CECR2: variants seen among roughly 807,000 people sequenced by gnomAD.
The protein encoded by CECR2 is CECR2 histone acetyl-lysine reader.
CECR2 carries 30 observed loss-of-function variants against 154.5 expected under a neutral mutation model. That is an observed-to-expected ratio of 0.19 (90% confidence interval 0.15 to 0.26). CECR2 has a LOEUF of 0.26. Ranked by LOEUF, CECR2 falls within the 10% of genes least tolerant of loss-of-function variation. CECR2 has a pLI of 1.00. For missense variants in CECR2, 1,743 were observed against 1,829.3 expected (o/e 0.95, Z 0.86); for synonymous variants, 725 against 683.7 (o/e 1.06, Z -0.94).
At chr22:17,373,339 C>T (rs73876416) in intron 1 of CECR2, among the ~76,000 whole-genome samples, 2,057 of 152,042 alleles carry the variant, frequency 0.014, 48 homozygotes, top group African/African-American at 0.047. Flanking sequence ...AAGAAACCTG[C>T]CAAGTATATA....
intron 2 of CECR2, among the ~76,000 whole-genome samples, chr22:17,492,041 T>C (rs566642819): frequency 3.9e-4 from 60 of 152,352 alleles, no homozygotes; most frequent in African/African-American, 1.4e-3. Context: ...CGAGAATAAA[T>C]GCTTTATCAA....
At chr22:17,476,544 G>A (rs568272533) in intron 1 of CECR2, among the ~76,000 whole-genome samples, 6 of 152,222 alleles carry the variant, frequency 3.9e-5, no homozygotes, top group Non-Finnish European at 8.8e-5. Context: ...TATATAAGAA[G>A]GAAACCCCAC....
At chr22:17,378,091 C>A (rs2063139229) in intron 1 of CECR2, among the ~76,000 whole-genome samples, 1 of 151,378 alleles carries the variant, frequency 6.6e-6, no homozygotes, top group African/African-American at 2.4e-5. Flanking sequence ...TCACGCCATT[C>A]TCCTGCCTCA....
chr22:17,503,244 T>G (rs1463011736), intron 6 of CECR2, 113 bp downstream of exon 6: 13 of 912,188 alleles, frequency 1.4e-5, no homozygotes, highest in Non-Finnish European at 2.2e-5. Context: ...CAATAGCCTT[T>G]TACCTACCCC....
chr22:17,505,034 C>G lies in CECR2; in HGVS notation c.870+18C>G. The G allele has an allele frequency of 6.2e-7, 1 of 1,609,596 alleles. No individual in the cohort carries two copies. The highest frequency in any genetic ancestry group is 8.5e-7 in the Non-Finnish European group (1 of 1,178,164). On this transcript the variant is annotated intron_variant, in intron 7 of 18. Coordinates refer to ENST00000262608, the MANE Select transcript of CECR2 (RefSeq NM_001290047.2). ...CCCAGAAGGTGCGCCACACTCTCTG[C>G]TCTGTCCTCCTCAGTGTTAGGCCTG...
chr22:17,494,377 G>A (rs751799317), intron 2 of CECR2, among the ~76,000 whole-genome samples: 1 of 152,050 alleles, frequency 6.6e-6, no homozygotes, highest in Non-Finnish European at 1.5e-5. Context: ...CAAATTCACC[G>A]TTACGACACT....
chr22:17,540,398 C>T lies in CECR2; in HGVS notation c.1496-14C>T. ...AAACTATACCTAGAAGTCAATCCTCCTGTCTTCCTATAGAGTATACCAAGA... is the reference window on the plus strand; with the variant it reads ...AAACTATACCTAGAAGTCAATCCTCTTGTCTTCCTATAGAGTATACCAAGA... On this transcript the variant is annotated splice_polypyrimidine_tract_variant and intron_variant, in intron 13 of 18. Coordinates refer to ENST00000262608, the MANE Select transcript of CECR2 (RefSeq NM_001290047.2). 6.7e-7 allele frequency: 1 copy of T among 1,491,592 alleles called. No individual in the cohort carries two copies. The highest frequency in any genetic ancestry group is 8.9e-7 in the Non-Finnish European group (1 of 1,120,754). 92.4% of individuals were successfully genotyped at this position (1,491,592 alleles called of 1,614,324 possible). A position where few individuals can be genotyped will look rare whatever the true frequency, so the allele number is the denominator to read the frequency against.
chr22:17,505,687 C>G (rs2055829737), intron 7 of CECR2, among the ~76,000 whole-genome samples: 1 of 151,890 alleles, frequency 6.6e-6, no homozygotes, highest in South Asian at 2.1e-4. Flanking sequence ...GCTCACACCA[C>G]CACCACGCCC....
At chr22:17,510,033 C>T (rs929742298) in intron 7 of CECR2, among the ~76,000 whole-genome samples, 4 of 152,060 alleles carry the variant, frequency 2.6e-5, no homozygotes, top group African/African-American at 9.7e-5. Context: ...GAGCTTGTTG[C>T]TCATGTTACA....
At chr22:17,524,031 G>A (rs1458135354) in intron 8 of CECR2, 87 bp from the exon 9 acceptor site, 22 of 1,096,530 alleles carry the variant, frequency 2.0e-5, no homozygotes, top group Non-Finnish European at 2.9e-5. Context: ...ATTATTTGTT[G>A]AAAATACTGA....
intron 1 of CECR2, among the ~76,000 whole-genome samples, chr22:17,417,974 T>G (rs111258338): frequency 2.5e-4 from 38 of 152,232 alleles, no homozygotes; most frequent in African/African-American, 8.9e-4. Context: ...CGTATTATAC[T>G]TCTTAGCCTT....
intron 1 of CECR2, among the ~76,000 whole-genome samples, chr22:17,400,719 C>T (rs544361312): frequency 6.6e-6 from 1 of 152,186 alleles, no homozygotes; most frequent in East Asian, 1.9e-4. Context: ...TCTCACTTGC[C>T]TGTGTATAGT....
rs2056773622 is a variant in CECR2 at position 17,556,494 on chromosome 22, A to G, written c.*3654A>G. 1 of 152,140 alleles carries G rather than the reference A, an allele frequency of 6.6e-6. No homozygotes were observed. The highest frequency in any genetic ancestry group is 1.5e-5 in the Non-Finnish European group (1 of 68,032). 9.4% of individuals were successfully genotyped at this position (152,140 alleles called of 1,614,324 possible). On this transcript the variant is annotated 3_prime_UTR_variant, in exon 19 of 19. Transcript: ENST00000262608. ...TGCTGGCAGATGCCATCCCAGGCCC[A>G]CAAAATCCCAGTGTTGCAGTCACCA...
At chr22:17,468,288 C>T (rs1245234479) in intron 1 of CECR2, among the ~76,000 whole-genome samples, 1 of 152,138 alleles carries the variant, frequency 6.6e-6, no homozygotes, top group African/African-American at 2.4e-5. Flanking sequence ...AAAGTTGTTT[C>T]AGTCCCTGCC....
chr22:17,378,129 G>A (rs1159111640), intron 1 of CECR2, among the ~76,000 whole-genome samples: 2 of 151,142 alleles, frequency 1.3e-5, no homozygotes, highest in African/African-American at 4.9e-5. Context: ...GACTACAGGT[G>A]CCCACCACCA....
At chr22:17,387,704 G>T (rs1260362717) in intron 1 of CECR2, among the ~76,000 whole-genome samples, 1 of 152,148 alleles carries the variant, frequency 6.6e-6, no homozygotes, top group East Asian at 1.9e-4. Flanking sequence ...TCTGTTGACA[G>T]TGTTATATAA....
intron 7 of CECR2, among the ~76,000 whole-genome samples, chr22:17,505,499 T>G (rs1365266782): frequency 6.6e-6 from 1 of 150,876 alleles, no homozygotes; most frequent in Non-Finnish European, 1.5e-5. Context: ...ACACCCTACT[T>G]CATGCATTTT....
intron 1 of CECR2, among the ~76,000 whole-genome samples, chr22:17,462,474 G>T (rs17741005): frequency 0.026 from 3,918 of 152,328 alleles, 67 homozygotes; most frequent in Non-Finnish European, 0.041. Flanking sequence ...TTAATCTGAT[G>T]AATTGCGAGG....
intron 1 of CECR2, among the ~76,000 whole-genome samples, chr22:17,450,520 C>T (rs927007576): frequency 6.6e-6 from 1 of 152,180 alleles, no homozygotes; most frequent in African/African-American, 2.4e-5. Flanking sequence ...TCTCCTGCCT[C>T]GGCCTCCCAA....
Sources: allele counts gnomAD v4.1 joint callset (sites outside exome capture counted in the v4.1 genomes callset), GRCh38; gene constraint gnomAD v4.1.1; transcripts MANE v1.5; gene names NCBI Gene and HGNC (gene_info 2026-07-23, HGNC 2026-07-21).